TPH2: variants seen among roughly 807,000 people sequenced by gnomAD.
TPH2 encodes the protein tryptophan hydroxylase 2, also known as tryptophan 5-hydroxylase 2.
A neutral mutation model predicts 59.1 loss-of-function variants in TPH2; 27 were observed. That is an observed-to-expected ratio of 0.46 (90% confidence interval 0.34 to 0.63). The LOEUF (loss-of-function observed/expected upper bound fraction) is 0.63, where lower values mean the gene tolerates loss of function less well. TPH2 is among the 30% of genes least tolerant of loss of function. TPH2 has a pLI of 0.01. For missense variants in TPH2, 523 were observed against 588.3 expected (o/e 0.89, Z 1.15); for synonymous variants, 220 against 210.5 (o/e 1.05, Z -0.39).
intron 8 of TPH2, among the ~76,000 whole-genome samples, chr12:71,996,163 C>T (rs1189435107): frequency 1.3e-5 from 2 of 152,222 alleles, no homozygotes; most frequent in East Asian, 1.9e-4. Flanking sequence ...AAATGGCTCA[C>T]TCATGTGGCT....
chr12:72,027,921 T>C (rs1269098646), intron 9 of TPH2, among the ~76,000 whole-genome samples: 1 of 152,132 alleles, frequency 6.6e-6, no homozygotes, highest in East Asian at 1.9e-4. Flanking sequence ...GGTCAATCTT[T>C]TCAGTTTATC....
chr12:71,942,959 T>A (rs912808352), intron 2 of TPH2, among the ~76,000 whole-genome samples: 3 of 151,918 alleles, frequency 2.0e-5, no homozygotes, highest in African/African-American at 7.3e-5. Context: ...CAGCCCTGAG[T>A]TTTCACTCTG....
At chr12:72,012,285 G>A (rs1378859182) in intron 8 of TPH2, among the ~76,000 whole-genome samples, 1 of 152,198 alleles carries the variant, frequency 6.6e-6, no homozygotes, top group Admixed American at 6.5e-5. Flanking sequence ...AAGACTGGCA[G>A]TTTCTGTGTG....
At chr12:71,975,978 C>T (rs1872107316) in intron 6 of TPH2, among the ~76,000 whole-genome samples, 1 of 152,216 alleles carries the variant, frequency 6.6e-6, no homozygotes, top group African/African-American at 2.4e-5. Context: ...AATATCACCT[C>T]ATAAATACTG....
chr12:71,997,765 GA>G (rs5799059), intron 8 of TPH2, among the ~76,000 whole-genome samples: 36,309 of 151,848 alleles, frequency 0.24, 5,020 homozygotes, highest in East Asian at 0.47. Flanking sequence ...GGGACAGGGG[GA>G]AAAAAAGAGG....
Position 72,022,386 on chromosome 12 carries a change from C to G in TPH2, c.1069-13C>G. ...TTGACCAGTTCACTGAATATGTGTT[C>G]GTTTTTCTTCAGTGCTATTTCTTCA... On this transcript the variant is annotated splice_polypyrimidine_tract_variant and intron_variant, in intron 8 of 10. Transcript: ENST00000333850. 6.2e-7 allele frequency: 1 copy of G among 1,604,546 alleles called. No individual in the cohort carries two copies. The highest frequency in any genetic ancestry group is 8.5e-7 in the Non-Finnish European group (1 of 1,171,380).
intron 5 of TPH2, among the ~76,000 whole-genome samples, chr12:71,959,614 G>T (rs994495313): frequency 6.6e-6 from 1 of 152,138 alleles, no homozygotes; most frequent in African/African-American, 2.4e-5. Context: ...GAGAGAAGAG[G>T]CATGATTTAT....
intron 5 of TPH2, among the ~76,000 whole-genome samples, chr12:71,954,275 C>T (rs1191595886): frequency 6.6e-6 from 1 of 152,122 alleles, no homozygotes; most frequent in African/African-American, 2.4e-5. Context: ...CAGAGGCCCA[C>T]AGCAGCCTGC....
At chr12:72,001,487 G>A (rs1353061534) in intron 8 of TPH2, among the ~76,000 whole-genome samples, 5 of 150,932 alleles carry the variant, frequency 3.3e-5, no homozygotes, top group African/African-American at 4.9e-5. Flanking sequence ...GTGCAATGGC[G>A]TGATCTCAGC....
At chr12:72,014,030 AG>A (rs1438999182) in intron 8 of TPH2, among the ~76,000 whole-genome samples, 1 of 152,180 alleles carries the variant, frequency 6.6e-6, no homozygotes, top group Admixed American at 6.5e-5. Context: ...ATAGAAATCT[AG>A]GTGTAGCTGC....
chr12:71,992,402 T>G (rs1872600267), intron 7 of TPH2, among the ~76,000 whole-genome samples: 1 of 151,966 alleles, frequency 6.6e-6, no homozygotes, highest in Non-Finnish European at 1.5e-5. Context: ...GGCAACATTG[T>G]GAGGAACCCC....
intron 6 of TPH2, among the ~76,000 whole-genome samples, chr12:71,976,639 C>T (rs938675950): frequency 2.6e-5 from 4 of 151,932 alleles, no homozygotes; most frequent in East Asian, 1.9e-4. Context: ...TGATATTCAC[C>T]GGGGAATAAT....
chr12:71,982,032 T>TTTTTTTTTTTTTTTTTTTTTTTTTTTG (rs71071810), intron 7 of TPH2, among the ~76,000 whole-genome samples: 1 of 144,338 alleles, frequency 6.9e-6, no homozygotes, highest in African/African-American at 2.6e-5. Context: ...TTTTTTTTTT[T>TTTTTTTTTTTTTTTTTTTTTTTTTTTG]AGACAGAGTC....
intron 5 of TPH2, among the ~76,000 whole-genome samples, chr12:71,966,112 AT>A (rs1399834571): frequency 6.6e-6 from 1 of 152,222 alleles, no homozygotes; most frequent in Non-Finnish European, 1.5e-5. Context: ...TAAATTACAA[AT>A]AGCTCTCTGG....
chr12:72,007,230 C>A (rs1339226220), intron 8 of TPH2, among the ~76,000 whole-genome samples: 1 of 152,048 alleles, frequency 6.6e-6, no homozygotes, highest in Non-Finnish European at 1.5e-5. Context: ...AGGAGGCTTC[C>A]CCTGAGTGAA....
intron 9 of TPH2, 27 bp downstream of exon 9, chr12:72,022,521 T>A (rs368657558): frequency 6.6e-7 from 1 of 1,511,870 alleles, no homozygotes; most frequent in Non-Finnish European, 9.2e-7. Flanking sequence ...GAAAATACCC[T>A]TCCCATGCAA....
intron 8 of TPH2, among the ~76,000 whole-genome samples, chr12:71,997,985 T>A (rs886630990): frequency 6.6e-6 from 1 of 152,198 alleles, no homozygotes; most frequent in African/African-American, 2.4e-5. Flanking sequence ...GTCTTCTCTA[T>A]ATAGGTCATG....
At chr12:71,961,595 G>C (rs781600362) in intron 5 of TPH2, 1 of 1,352,096 alleles carries the variant, frequency 7.4e-7, no homozygotes, top group Non-Finnish European at 9.8e-7. Flanking sequence ...GGGAATTTCA[G>C]CTCTTTTCTG....
chr12:71,992,362 G>A (rs1403497967), intron 7 of TPH2, among the ~76,000 whole-genome samples: 2 of 152,214 alleles, frequency 1.3e-5, no homozygotes, highest in Admixed American at 6.5e-5. Flanking sequence ...TGGGCGGATC[G>A]CTTGAGGTCA....
Sources: allele counts gnomAD v4.1 joint callset (sites outside exome capture counted in the v4.1 genomes callset), GRCh38; gene constraint gnomAD v4.1.1; transcripts MANE v1.5; gene names NCBI Gene and HGNC (gene_info 2026-07-23, HGNC 2026-07-21).